The following TBC1D8B variants were observed in gnomAD, a reference collection of about 807,000 sequenced individuals.
TBC1D8B encodes the protein TBC1 domain family member 8B, also known as RP11-321G1.1.
A neutral mutation model predicts 82.9 loss-of-function variants in TBC1D8B; 75 were observed. The observed-to-expected ratio is 0.90, with a 90% CI of 0.75 to 1.10. The LOEUF is 1.10. TBC1D8B is among the 50% of genes least tolerant of loss of function. The probability of loss-of-function intolerance (pLI) is 0.00; values close to 1 mark genes in which losing one functional copy is unlikely to be tolerated. For synonymous variants in TBC1D8B, 276 were observed against 276.8 expected (o/e 1.00, Z 0.03); for missense variants, 794 against 796.9 (o/e 1.00, Z 0.04).
In TBC1D8B at chrX:106,826,174, A is replaced by C; in HGVS notation, c.972A>C (p.Glu324Asp). The C allele has an allele frequency of 3.3e-6, 4 of 1,210,857 alleles. No homozygotes were observed. Among genetic ancestry groups the C allele is most frequent in the Non-Finnish European group, 4.5e-6 (4 of 894,975 alleles). ...FNTHGKMCIS[E>D]NYICFASQDG... Reference sequence around the variant, plus strand: ...CTCATGGGAAAATGTGCATCTCAGAAAATTATATCTGCTTTGCTAGCCAAG... The same window carrying C: ...CTCATGGGAAAATGTGCATCTCAGACAATTATATCTGCTTTGCTAGCCAAG... The change falls in exon 6 of 21, where the codon GAA becomes GAC. Residue 324 changes from glutamate (E) to aspartate (D), a missense_variant. Transcript: ENST00000357242.
intron 10 of TBC1D8B, among the ~76,000 whole-genome samples, chrX:106,844,130 A>G (rs1932377862): frequency 9.0e-6 from 1 of 110,874 alleles, no homozygotes. Flanking sequence ...GATTTTCTAT[A>G]TACAAAATCA....
intron 1 of TBC1D8B, among the ~76,000 whole-genome samples, chrX:106,807,326 CATCCCTCTCT>C (rs1450657559): frequency 1.8e-5 from 2 of 110,534 alleles, no homozygotes; most frequent in African/African-American, 6.6e-5. Context: ...TTTGTGCTCC[CATCCCTCTCT>C]GGAACATCTT....
Position 106,839,398 on chromosome X carries a change from A to C in TBC1D8B, c.1294A>C (p.Thr432Pro). The change falls in exon 8 of 21, where the codon ACT (threonine) becomes CCT (proline). Residue 432 changes from threonine to proline, a missense_variant. By Grantham distance (38) the Thr-to-Pro change is conservative. Transcript: ENST00000357242. ...SQRECSKTVN[T>P]EALMTVFHPQ... ...GAGGGAATGCAGTAAAACTGTGAAC[A>C]CTGAAGCCTTAATGACAGTATTTCA... is the stretch of plus-strand genomic sequence containing the variant. 1 of 1,191,507 alleles carries C rather than the reference A, an allele frequency of 8.4e-7. No individual in the cohort carries two copies. Among genetic ancestry groups the C allele is most frequent in the Non-Finnish European group, 1.1e-6 (1 of 885,119 alleles).
At chrX:106,821,428 G>C (rs1272730286) in intron 3 of TBC1D8B, among the ~76,000 whole-genome samples, 1 of 110,363 alleles carries the variant, frequency 9.1e-6, no homozygotes, top group African/African-American at 3.3e-5. Context: ...ACTTGTATTT[G>C]TAGTAGTTCC....
chrX:106,823,333 T>C lies in TBC1D8B; in HGVS notation c.694T>C (p.Ser232Pro). 8.3e-7 allele frequency: 1 copy of C among 1,210,558 alleles called. No homozygotes were observed. Among genetic ancestry groups the C allele is most frequent in the Non-Finnish European group, 1.1e-6 (1 of 894,769 alleles). The change falls in exon 5 of 21, where the codon TCA becomes CCA. Residue 232 changes from serine to proline, a missense_variant. Ser to Pro is a moderately conservative substitution (Grantham distance 74). Coordinates refer to ENST00000357242, the MANE Select transcript of TBC1D8B (RefSeq NM_017752.3). ...TTCCCAAGGAGAGAATCACTACTTT[T>C]CAATGTTTTTGCACATTAACCAAAC... is the stretch of plus-strand genomic sequence containing the variant. ...VCSQGENHYFSMFLHINQTYL... is the reference protein window; with the variant it reads ...VCSQGENHYFPMFLHINQTYL...
At chrX:106,821,254 AG>A (rs1341492266) in intron 3 of TBC1D8B, among the ~76,000 whole-genome samples, 1 of 111,299 alleles carries the variant, frequency 9.0e-6, no homozygotes, top group East Asian at 2.8e-4. Flanking sequence ...TATTGTTTTC[AG>A]AATTTTATAT....
chrX:106,865,506 C>G, intron 14 of TBC1D8B, 53 bp from the exon 15 acceptor site: 1 of 993,889 alleles, frequency 1.0e-6, no homozygotes, highest in East Asian at 3.2e-5. Flanking sequence ...AAGAGAATTT[C>G]TTTACTGCAA....
intron 1 of TBC1D8B, among the ~76,000 whole-genome samples, chrX:106,804,659 T>G (rs1423691680): frequency 1.8e-5 from 2 of 111,151 alleles, no homozygotes; most frequent in African/African-American, 6.6e-5. Context: ...TTCCAGCACT[T>G]TGGGAGACCG....
At chrX:106,833,146 C>T (rs769333284) in intron 7 of TBC1D8B, among the ~76,000 whole-genome samples, 29 of 111,329 alleles carry the variant, frequency 2.6e-4, no homozygotes, top group Non-Finnish European at 4.7e-4. Flanking sequence ...ATGAAGTATT[C>T]TAATTTAAAT....
At chrX:106,860,658 A>G (rs753982469) in intron 14 of TBC1D8B, among the ~76,000 whole-genome samples, 1 of 109,879 alleles carries the variant, frequency 9.1e-6, no homozygotes, top group African/African-American at 3.3e-5. Flanking sequence ...AGTCTTATTT[A>G]TTCTTTTAAA....
chrX:106,830,869 G>A (rs1370244861), intron 7 of TBC1D8B, among the ~76,000 whole-genome samples: 2 of 107,480 alleles, frequency 1.9e-5, no homozygotes, highest in Non-Finnish European at 3.8e-5. Context: ...TGGGTGCAGC[G>A]CACCAGCATG....
rs201661393 is a variant in TBC1D8B at position 106,807,791 on chromosome X, G to T, written c.130+4808G>T. On this transcript the variant is annotated intron_variant, in intron 1 of 20. Coordinates refer to ENST00000357242, the MANE Select transcript of TBC1D8B (RefSeq NM_017752.3). ...AACCAGGCTGGGCACAGTGGCTCAC[G>T]CCTGTAATCCCAGTACTTTGGGAGG... is the stretch of plus-strand genomic sequence containing the variant. 5.4e-5 allele frequency among the ~76,000 whole-genome samples: 6 copies of T among 111,483 alleles called. No homozygotes were observed. The East Asian group carries it at 1.7e-3, about 32-fold the overall frequency.
Position 106,834,822 on chromosome X carries a change from C to A in TBC1D8B, c.1204-4486C>A, listed in dbSNP as rs375136147. ...TTGACTCCATGTCTCATATCTAGGT[C>A]ACACTGATGTGAGAGGTGGGCTGCC... On this transcript the variant is annotated intron_variant, in intron 7 of 20. Transcript: ENST00000357242. Among the ~76,000 whole-genome samples the A allele has an allele frequency of 1.6e-3, 179 of 112,220 alleles. 1 individual carries two copies. Among genetic ancestry groups the A allele is most frequent in the African/African-American group, 5.4e-3 (166 of 30,933 alleles).
chrX:106,837,381 A>G (rs1410443427), intron 7 of TBC1D8B, among the ~76,000 whole-genome samples: 1 of 112,028 alleles, frequency 8.9e-6, no homozygotes, highest in African/African-American at 3.2e-5. Context: ...AAATGGTTAA[A>G]GGATTTGAAT....
Position 106,803,106 on chromosome X carries a change from G to A in TBC1D8B, c.130+123G>A, listed in dbSNP as rs1010359544. On this transcript the variant is annotated intron_variant, in intron 1 of 20. Coordinates refer to ENST00000357242, the MANE Select transcript of TBC1D8B (RefSeq NM_017752.3). ...CTAAATCGTGGGCGGAGGGACTGGG[G>A]TTCTTCTCCCGACACCACCTTTCCG... is the stretch of plus-strand genomic sequence containing the variant. The A allele has an allele frequency of 8.3e-6, 7 of 842,294 alleles. No homozygotes were observed. The African/African-American group carries it at 1.2e-4, about 15-fold the overall frequency. The allele number at this position is 842,294 out of a possible 1,213,427, so 69.4% of individuals were successfully genotyped here. A position where few individuals can be genotyped will look rare whatever the true frequency, so the allele number is the denominator to read the frequency against.
chrX:106,846,987 A>G lies in TBC1D8B; in HGVS notation c.1720-1199A>G, dbSNP rs776630328. Among the ~76,000 whole-genome samples the G allele has an allele frequency of 9.7e-4, 109 of 112,499 alleles. 2 individuals are homozygous for G. Among genetic ancestry groups the G allele is most frequent in the African/African-American group, 3.4e-3 (105 of 31,077 alleles). On this transcript the variant is annotated intron_variant, in intron 10 of 20. Transcript: ENST00000357242. ...TTGGCAAAGATGCAGTGAAATAAAC[A>G]TTTAAACACTATTGGTCAGAAATAT...
chrX:106,839,277 A>T, intron 7 of TBC1D8B, 31 bp from the exon 8 acceptor site: 1 of 1,116,069 alleles, frequency 9.0e-7, no homozygotes, highest in African/African-American at 1.8e-5. Context: ...GTAAGCATGC[A>T]TCTGGGACAA....
intron 1 of TBC1D8B, among the ~76,000 whole-genome samples, chrX:106,803,264 G>C (rs529188015): frequency 6.3e-5 from 7 of 111,948 alleles, no homozygotes; most frequent in Admixed American, 2.8e-4. Flanking sequence ...CTTCCCATGG[G>C]GGGAGGGAGG....
chrX:106,833,688 G>A (rs1932098066), intron 7 of TBC1D8B, among the ~76,000 whole-genome samples: 1 of 111,451 alleles, frequency 9.0e-6, no homozygotes, highest in Admixed American at 9.6e-5. Flanking sequence ...AGGCAATAAT[G>A]GATAGAACTG....
Sources: gnomAD v4.1 joint callset for allele counts (sites outside exome capture counted in the v4.1 genomes callset) on GRCh38, gnomAD v4.1.1 for gene constraint, MANE v1.5 for transcripts, NCBI Gene and HGNC (gene_info 2026-07-23, HGNC 2026-07-21) for gene names.